The following GRIA2 variants were observed in gnomAD, a reference collection of about 807,000 sequenced individuals.
The protein encoded by GRIA2 is glutamate ionotropic receptor AMPA type subunit 2.
Under a neutral mutation model 97.3 loss-of-function variants are expected in GRIA2, and 14 were observed. The observed-to-expected ratio is 0.14, with a 90% CI of 0.10 to 0.23. GRIA2 has a LOEUF of 0.23. Ranked by LOEUF, GRIA2 falls within the 10% of genes least tolerant of loss-of-function variation. The pLI is 1.00. For synonymous variants in GRIA2, 412 were observed against 387.8 expected (o/e 1.06, Z -0.73); for missense variants, 558 against 1,069.8 (o/e 0.52, Z 6.67).
chr4:157,283,976 G>A (rs542458083), intron 2 of GRIA2, among the ~76,000 whole-genome samples: 1 of 151,894 alleles, frequency 6.6e-6, no homozygotes, highest in African/African-American at 2.4e-5. Context: ...GATAATGTTA[G>A]AGAGGTTTTT....
At chr4:157,308,340 A>G (rs1733931157) in intron 3 of GRIA2, among the ~76,000 whole-genome samples, 1 of 152,262 alleles carries the variant, frequency 6.6e-6, no homozygotes, top group African/African-American at 2.4e-5. Context: ...ATGAAGAAGT[A>G]ATGCAATTTA....
At position 157,226,288 on chromosome 4, in the gene GRIA2, C is replaced by T. The variant is rs72962804; in HGVS notation, c.229+4481C>T. 8.0e-3 allele frequency among the ~76,000 whole-genome samples: 1,213 copies of T among 151,666 alleles called. 11 individuals carry two copies. Among genetic ancestry groups the T allele is most frequent in the African/African-American group, 0.028 (1,151 of 41,396 alleles). ...TGTTTCATAAAACTGTTGCGCACAC[C>T]GAATGCCTTTTAAAACATTGTAAAG... On this transcript the variant is annotated intron_variant, in intron 2 of 15. Coordinates refer to ENST00000264426, the MANE Select transcript of GRIA2 (RefSeq NM_001083619.3).
chr4:157,239,631 C>T (rs1044905681), intron 2 of GRIA2, among the ~76,000 whole-genome samples: 1 of 151,636 alleles, frequency 6.6e-6, no homozygotes, highest in African/African-American at 2.4e-5. Context: ...TGATGACATT[C>T]GTGAGTCAAG....
intron 2 of GRIA2, among the ~76,000 whole-genome samples, chr4:157,269,803 T>C (rs538213278): frequency 6.6e-6 from 1 of 152,234 alleles, no homozygotes; most frequent in Non-Finnish European, 1.5e-5. Flanking sequence ...ATTTTACTTA[T>C]TTTAAAATGA....
intron 2 of GRIA2, among the ~76,000 whole-genome samples, chr4:157,249,121 C>T (rs1187341066): frequency 3.9e-5 from 6 of 152,130 alleles, no homozygotes; most frequent in African/African-American, 1.4e-4. Flanking sequence ...AGGCATGAGC[C>T]ATCACGCCCA....
chr4:157,248,439 C>T (rs1163314607), intron 2 of GRIA2, among the ~76,000 whole-genome samples: 2 of 144,552 alleles, frequency 1.4e-5, no homozygotes, highest in East Asian at 2.1e-4. Flanking sequence ...TGGTGGCACA[C>T]GCTTGTAATC....
At chr4:157,330,743 A>G (rs997964860) in intron 6 of GRIA2, among the ~76,000 whole-genome samples, 3 of 151,934 alleles carry the variant, frequency 2.0e-5, no homozygotes, top group African/African-American at 7.2e-5. Context: ...GACTGTAAAA[A>G]CGATTTCCCT....
At chr4:157,245,470 C>T (rs143415453) in intron 2 of GRIA2, among the ~76,000 whole-genome samples, 2 of 152,102 alleles carry the variant, frequency 1.3e-5, no homozygotes, top group African/African-American at 4.8e-5. Flanking sequence ...CATTAAGATA[C>T]TTATGATTTC....
chr4:157,363,615 T>A lies in GRIA2; in HGVS notation c.*184T>A. Reference sequence around the variant, plus strand: ...TCTCTCGTGATTGATAAGAACCTTTTGAGTGCCTTACACAATGGTTTTCTT... The same window carrying A: ...TCTCTCGTGATTGATAAGAACCTTTAGAGTGCCTTACACAATGGTTTTCTT... On this transcript the variant is annotated 3_prime_UTR_variant, in exon 16 of 16. Transcript: ENST00000264426. 2 of 1,221,416 alleles carry A rather than the reference T, an allele frequency of 1.6e-6. No individual in the cohort carries two copies. The highest frequency in any genetic ancestry group is 2.0e-6 in the Non-Finnish European group (2 of 976,522). 75.7% of individuals were successfully genotyped at this position (1,221,416 alleles called of 1,614,324 possible).
At chr4:157,247,286 A>G (rs185774591) in intron 2 of GRIA2, among the ~76,000 whole-genome samples, 21 of 152,322 alleles carry the variant, frequency 1.4e-4, no homozygotes, top group Admixed American at 5.9e-4. Context: ...ACAGATTTGA[A>G]GATGGATTGC....
intron 2 of GRIA2, among the ~76,000 whole-genome samples, chr4:157,296,122 A>G (rs1733337835): frequency 6.6e-6 from 1 of 152,174 alleles, no homozygotes; most frequent in African/African-American, 2.4e-5. Context: ...TTCTCCACTT[A>G]CAAAATGTAT....
chr4:157,260,983 G>T (rs754756832), intron 2 of GRIA2, among the ~76,000 whole-genome samples: 3 of 151,836 alleles, frequency 2.0e-5, no homozygotes, highest in Non-Finnish European at 4.4e-5. Flanking sequence ...CTTATTCATT[G>T]TTGAGGGCAA....
intron 2 of GRIA2, among the ~76,000 whole-genome samples, chr4:157,228,572 C>A (rs1250516419): frequency 1.3e-5 from 2 of 152,048 alleles, no homozygotes; most frequent in African/African-American, 4.8e-5. Flanking sequence ...GCGGGTGGAT[C>A]ACCTGAGGTC....
chr4:157,275,464 A>G (rs997712589), intron 2 of GRIA2, among the ~76,000 whole-genome samples: 5 of 152,070 alleles, frequency 3.3e-5, no homozygotes, highest in African/African-American at 9.7e-5. Context: ...CCTGAATGGT[A>G]TTGCCTAGGT....
intron 3 of GRIA2, among the ~76,000 whole-genome samples, chr4:157,308,738 T>A (rs979517907): frequency 9.9e-5 from 15 of 152,202 alleles, no homozygotes; most frequent in African/African-American, 3.6e-4. Context: ...TATTTATAGA[T>A]ACTTCTGTGC....
At chr4:157,342,104 T>C in intron 12 of GRIA2, 1 of 973,652 alleles carries the variant, frequency 1.0e-6, no homozygotes, top group Non-Finnish European at 1.2e-6. Flanking sequence ...TCTTTCTTTC[T>C]ACTATTGTGT....
In GRIA2 at chr4:157,321,598, AGGTTTGCTTT is replaced by A. The variant is rs750348903; in HGVS notation, c.882+5_882+14del. ...CCTGGAGCTCACACAACAACAATTA[AGGTTTGCTTT>A]GGTTTCTGTCTTTTCTTTTTCTTTC... On this transcript the variant is annotated splice_donor_variant and splice_donor_5th_base_variant and coding_sequence_variant and intron_variant, in exon 6 of 16. Transcript: ENST00000264426. LOFTEE classifies it high-confidence loss of function. 1 of 1,602,618 alleles carries A rather than the reference AGGTTTGCTTT, an allele frequency of 6.2e-7. No individual in the cohort carries two copies. Among genetic ancestry groups the A allele is most frequent in the Non-Finnish European group, 8.5e-7 (1 of 1,174,166 alleles).
intron 2 of GRIA2, among the ~76,000 whole-genome samples, chr4:157,273,310 C>T (rs1732120059): frequency 6.6e-6 from 1 of 151,952 alleles, no homozygotes; most frequent in African/African-American, 2.4e-5. Flanking sequence ...ACGGTGGTTC[C>T]TTTTACCCAG....
At chr4:157,278,703 T>A (rs920830248) in intron 2 of GRIA2, among the ~76,000 whole-genome samples, 1 of 151,952 alleles carries the variant, frequency 6.6e-6, no homozygotes, top group African/African-American at 2.4e-5. Flanking sequence ...GAGAAAATAT[T>A]TTTATAAAAG....
Sources: allele counts gnomAD v4.1 joint callset (sites outside exome capture counted in the v4.1 genomes callset), GRCh38; gene constraint gnomAD v4.1.1; transcripts MANE v1.5; gene names NCBI Gene and HGNC (gene_info 2026-07-23, HGNC 2026-07-21).